KCTD3: variants seen among roughly 807,000 people sequenced by gnomAD.
The protein encoded by KCTD3 is potassium channel tetramerization domain containing 3.
Under a neutral mutation model 85.8 loss-of-function variants are expected in KCTD3, and 41 were observed. The observed-to-expected ratio is 0.48, with a 90% confidence interval of 0.37 to 0.62. The LOEUF is 0.62. KCTD3 is among the 20% of genes least tolerant of loss of function. The pLI, the probability that KCTD3 is intolerant of heterozygous loss-of-function variation, is 0.00. For synonymous variants in KCTD3, 338 were observed against 345.4 expected, an observed-to-expected ratio of 0.98 and a Z score of 0.24; for missense variants, 724 against 989.9, an observed-to-expected ratio of 0.73 and a Z score of 3.60.
chr1:215,601,312 C>T (rs150000240), intron 10 of KCTD3, among the ~76,000 whole-genome samples: 2,829 of 152,324 alleles, frequency 0.019, 37 homozygotes, highest in Middle Eastern at 0.058. Flanking sequence ...GACTTTGTTT[C>T]CCTTGCCATT....
At chr1:215,570,371 G>A (rs559760620) in intron 1 of KCTD3, among the ~76,000 whole-genome samples, 1 of 152,042 alleles carries the variant, frequency 6.6e-6, no homozygotes, top group South Asian at 2.1e-4. Flanking sequence ...AGAATTGTTA[G>A]TATTCGTTAT....
At chr1:215,598,542 T>C (rs1196890182) in intron 10 of KCTD3, among the ~76,000 whole-genome samples, 1 of 151,920 alleles carries the variant, frequency 6.6e-6, no homozygotes, top group Middle Eastern at 3.2e-3. Context: ...ACTTATAAAC[T>C]TCACATGGAA....
intron 12 of KCTD3, among the ~76,000 whole-genome samples, chr1:215,603,492 T>A (rs1031025736): frequency 6.6e-6 from 1 of 152,162 alleles, no homozygotes; most frequent in African/African-American, 2.4e-5. Context: ...CCTTAGATGA[T>A]TAGAAGAAAC....
In KCTD3 at chr1:215,567,773, G is replaced by T. The variant is rs1232932367; in HGVS notation, c.83+5G>T. On this transcript the variant is annotated splice_donor_5th_base_variant and intron_variant, in intron 1 of 17. Coordinates refer to ENST00000259154, the MANE Select transcript of KCTD3 (RefSeq NM_016121.5). ...ACTGAACGTAGGGGGGACCAGGTGA[G>T]TCGGCGGGTAGCGGGCTTGCAGCGG... 5.6e-6 allele frequency: 7 copies of T among 1,243,466 alleles called. No homozygotes were observed. The highest frequency in any genetic ancestry group is 1.6e-5 in the African/African-American group (1 of 64,484). 77.0% of individuals were successfully genotyped at this position (1,243,466 alleles called of 1,614,324 possible).
Position 215,620,077 on chromosome 1 carries a change from A to C in KCTD3, c.1907A>C (p.Asp636Ala). 6.3e-7 allele frequency: 1 copy of C among 1,596,606 alleles called. No individual in the cohort carries two copies. The highest frequency in any genetic ancestry group is 8.5e-7 in the Non-Finnish European group (1 of 1,174,274). ...TTCAGCCTTCAGCTTCAGCACCATG[A>C]TACCACCCATGAAGCAGCTACTTAC... ...SNSSLQLQHH[D>A]TTHEAATYGS... The change falls in exon 18 of 18, where the codon GAT becomes GCT. Residue 636 changes from aspartate (D) to alanine (A), a missense_variant. Around this residue, in one of 6 missense-constraint regions of KCTD3, gnomAD observed 222 missense variants for 217.7 expected, o/e 1.02. Transcript: ENST00000259154.
chr1:215,597,146 T>C (rs1406678999), intron 10 of KCTD3, among the ~76,000 whole-genome samples: 1 of 152,088 alleles, frequency 6.6e-6, no homozygotes, highest in Non-Finnish European at 1.5e-5. Flanking sequence ...CTTAAAAGTT[T>C]TTTGCAAAAT....
intron 1 of KCTD3, 72 bp from the exon 2 acceptor site, chr1:215,573,714 A>T: frequency 1.1e-6 from 1 of 870,730 alleles, no homozygotes; most frequent in Non-Finnish European, 1.9e-6. Context: ...CCAGTGTATT[A>T]AAACAAGTTA....
At chr1:215,609,925 T>C (rs2102599436) in intron 14 of KCTD3, among the ~76,000 whole-genome samples, 1 of 152,046 alleles carries the variant, frequency 6.6e-6, no homozygotes, top group African/African-American at 2.4e-5. Context: ...TTTATGAGTA[T>C]TCAGCATATA....
At chr1:215,582,095 C>G (rs1365249935) in intron 8 of KCTD3, among the ~76,000 whole-genome samples, 1 of 152,164 alleles carries the variant, frequency 6.6e-6, no homozygotes, top group African/African-American at 2.4e-5. Context: ...TTATATTCCA[C>G]TTTAGATCTT....
Position 215,567,423 on chromosome 1 carries a change from C to T in KCTD3, c.-263C>T, listed in dbSNP as rs553875033. The T allele has an allele frequency of 1.3e-5, 3 of 225,812 alleles. No individual in the cohort carries two copies. The highest frequency in any genetic ancestry group is 1.8e-4 in the South Asian group (1 of 5,428). The allele number at this position is 225,812 out of a possible 1,614,324, so 14.0% of individuals were successfully genotyped here. A position where few individuals can be genotyped will look rare whatever the true frequency, so the allele number is the denominator to read the frequency against. On this transcript the variant is annotated 5_prime_UTR_variant, in exon 1 of 18. Coordinates refer to ENST00000259154, the MANE Select transcript of KCTD3 (RefSeq NM_016121.5). The stretch of plus-strand genomic sequence containing the variant: ...GGCAGCGGAGCACGGAGAAGAGGCC[C>T]GGGCGGCCCGGCGGCCTGGAGGCCG...
chr1:215,583,357 T>A (rs1659896058), intron 8 of KCTD3, among the ~76,000 whole-genome samples: 1 of 152,222 alleles, frequency 6.6e-6, no homozygotes, highest in African/African-American at 2.4e-5. Flanking sequence ...AGACATTAGA[T>A]GTCATTTGTA....
chr1:215,575,396 A>G (rs1659534416), intron 3 of KCTD3, among the ~76,000 whole-genome samples: 1 of 152,218 alleles, frequency 6.6e-6, no homozygotes, highest in Non-Finnish European at 1.5e-5. Context: ...AATTGAGATT[A>G]GTAAAAGTAT....
intron 14 of KCTD3, among the ~76,000 whole-genome samples, chr1:215,610,469 A>C (rs563587431): frequency 6.6e-6 from 1 of 152,038 alleles, no homozygotes; most frequent in East Asian, 1.9e-4. Context: ...GAAGGTATGA[A>C]GAATAGGTTA....
chr1:215,616,532 G>T (rs1655457844), intron 15 of KCTD3, among the ~76,000 whole-genome samples: 2 of 148,824 alleles, frequency 1.3e-5, no homozygotes, highest in South Asian at 2.1e-4. Flanking sequence ...AGGCTGAGGT[G>T]GGCGGATCAC....
intron 10 of KCTD3, among the ~76,000 whole-genome samples, chr1:215,597,072 T>C (rs1359869559): frequency 6.6e-6 from 1 of 152,194 alleles, no homozygotes; most frequent in Non-Finnish European, 1.5e-5. Context: ...CATGTAGTTC[T>C]TTAGTTACAT....
At chr1:215,575,855 A>G (rs754025549) in intron 3 of KCTD3, 46 bp from the exon 4 acceptor site, 2 of 1,075,178 alleles carry the variant, frequency 1.9e-6, no homozygotes, top group South Asian at 2.9e-5. Context: ...TTAAAGTTAA[A>G]AGATTAATTT....
chr1:215,583,315 C>T (rs752606632), intron 8 of KCTD3, among the ~76,000 whole-genome samples: 1 of 152,150 alleles, frequency 6.6e-6, no homozygotes, highest in Non-Finnish European at 1.5e-5. Context: ...CTGAATGTTC[C>T]TCCCCTTTTT....
intron 4 of KCTD3, among the ~76,000 whole-genome samples, chr1:215,576,705 C>T (rs1482719717): frequency 2.0e-5 from 3 of 151,790 alleles, no homozygotes; most frequent in African/African-American, 7.3e-5. Flanking sequence ...GTAGCTGGGA[C>T]TACAGGCACC....
At chr1:215,573,764 AC>A in intron 1 of KCTD3, 21 bp from the exon 2 acceptor site, 1 of 1,450,106 alleles carries the variant, frequency 6.9e-7, no homozygotes, top group Admixed American at 1.9e-5. Flanking sequence ...CACTTATAAT[AC>A]CAGATGATTT....
Sources: gnomAD v4.1 joint callset for allele counts (sites outside exome capture counted in the v4.1 genomes callset) on GRCh38, gnomAD v4.1.1 for gene constraint, gnomAD v4.1.1 regional missense constraint, MANE v1.5 for transcripts, NCBI Gene and HGNC (gene_info 2026-07-23, HGNC 2026-07-21) for gene names.